Variants in CSMD1 observed in about 807,000 individuals in gnomAD.
CSMD1 encodes the protein CUB and sushi domain-containing protein 1.
In CSMD1, 213 loss-of-function variants were observed where a neutral mutation model predicts 417.5. That is an observed-to-expected ratio of 0.51 (90% CI 0.46 to 0.57). The LOEUF (loss-of-function observed/expected upper bound fraction) is 0.57, where lower values mean the gene tolerates loss of function less well. CSMD1 is among the 20% of genes least tolerant of loss of function. The pLI, the probability that CSMD1 is intolerant of heterozygous loss-of-function variation, is 0.00. For missense variants in CSMD1, 6,923 were observed against 4,529.7 expected (o/e 1.53, Z -15.17); for synonymous variants, 2,862 against 1,736.8 (o/e 1.65, Z -16.11).
chr8:3,902,699 T>C (rs1807836518), intron 5 of CSMD1, among the ~76,000 whole-genome samples: 2 of 152,142 alleles, frequency 1.3e-5, no homozygotes, highest in Non-Finnish European at 1.5e-5. Context: ...TAACAGGCTG[T>C]GGACTGGTAC....
chr8:4,424,732 A>G (rs751760629), intron 2 of CSMD1, among the ~76,000 whole-genome samples: 2 of 152,106 alleles, frequency 1.3e-5, no homozygotes, highest in Non-Finnish European at 2.9e-5. Flanking sequence ...TTTGCCCTAG[A>G]AATGCTCATG....
chr8:4,395,172 C>A (rs1804115590), intron 3 of CSMD1, among the ~76,000 whole-genome samples: 1 of 152,172 alleles, frequency 6.6e-6, no homozygotes, highest in Non-Finnish European at 1.5e-5. Flanking sequence ...CTTAGAACAA[C>A]CCCTCCTCTT....
intron 5 of CSMD1, among the ~76,000 whole-genome samples, chr8:3,827,791 T>C (rs912075698): frequency 3.3e-5 from 5 of 152,180 alleles, no homozygotes; most frequent in African/African-American, 9.6e-5. Context: ...CTATAAATTA[T>C]TGCCAGTTAC....
intron 5 of CSMD1, among the ~76,000 whole-genome samples, chr8:3,858,535 T>C (rs977329004): frequency 3.3e-5 from 5 of 152,188 alleles, no homozygotes; most frequent in African/African-American, 1.2e-4. Flanking sequence ...TAAAAGTGCA[T>C]AGAGCAAGGT....
At chr8:4,969,655 C>T (rs182358473) in intron 1 of CSMD1, among the ~76,000 whole-genome samples, 2 of 152,052 alleles carry the variant, frequency 1.3e-5, no homozygotes, top group Admixed American at 6.6e-5. Context: ...ATTTTGAGCC[C>T]ATTGATTTCG....
At chr8:4,629,828 T>C (rs768870547) in intron 2 of CSMD1, among the ~76,000 whole-genome samples, 1 of 152,220 alleles carries the variant, frequency 6.6e-6, no homozygotes, top group Admixed American at 6.5e-5. Context: ...AATAATAGTG[T>C]CATGTTGCAA....
At chr8:4,556,103 G>T (rs1798075116) in intron 2 of CSMD1, among the ~76,000 whole-genome samples, 1 of 152,034 alleles carries the variant, frequency 6.6e-6, no homozygotes, top group East Asian at 1.9e-4. Context: ...GCATCAAATG[G>T]AAAAACAAAA....
intron 3 of CSMD1, among the ~76,000 whole-genome samples, chr8:4,233,513 T>C (rs1801866968): frequency 6.6e-6 from 1 of 152,116 alleles, no homozygotes. Context: ...TTAGTGCCCT[T>C]ATAAAAGAGG....
chr8:4,744,892 A>C (rs1373375129), intron 1 of CSMD1, among the ~76,000 whole-genome samples: 1 of 152,164 alleles, frequency 6.6e-6, no homozygotes, highest in Non-Finnish European at 1.5e-5. Flanking sequence ...TTTTCACCAT[A>C]ATTCTAATGG....
chr8:3,366,997 C>T (rs752698093), intron 20 of CSMD1, 35 bp downstream of exon 20: 1 of 1,513,304 alleles, frequency 6.6e-7, no homozygotes, highest in East Asian at 2.3e-5. Context: ...AGTATTGTTG[C>T]CAGAGGAGAG....
intron 3 of CSMD1, among the ~76,000 whole-genome samples, chr8:4,045,867 T>G (rs1798121939): frequency 6.6e-6 from 1 of 152,174 alleles, no homozygotes; most frequent in Admixed American, 6.5e-5. Context: ...GCATTATTTT[T>G]TTTTTAATTA....
At chr8:4,600,011 T>A (rs1317938884) in intron 2 of CSMD1, among the ~76,000 whole-genome samples, 1 of 152,160 alleles carries the variant, frequency 6.6e-6, no homozygotes, top group Non-Finnish European at 1.5e-5. Context: ...AATGAAAGTC[T>A]AGGGTTGGTT....
At chr8:3,699,767 G>C (rs571137084) in intron 7 of CSMD1, among the ~76,000 whole-genome samples, 4 of 152,212 alleles carry the variant, frequency 2.6e-5, no homozygotes, top group Non-Finnish European at 5.9e-5. Flanking sequence ...ACGAGGGACT[G>C]TTGAATGTGT....
chr8:3,778,405 A>G (rs1366245118), intron 5 of CSMD1, among the ~76,000 whole-genome samples: 1 of 152,214 alleles, frequency 6.6e-6, no homozygotes, highest in Non-Finnish European at 1.5e-5. Flanking sequence ...AATAAATAAA[A>G]AGATTCAACA....
intron 54 of CSMD1, among the ~76,000 whole-genome samples, chr8:2,980,674 G>A (rs938993646): frequency 6.6e-6 from 1 of 152,144 alleles, no homozygotes; most frequent in Admixed American, 6.5e-5. Context: ...CAATATGTGA[G>A]GTTCATAACC....
At chr8:4,927,739 T>C (rs1320754563) in intron 1 of CSMD1, among the ~76,000 whole-genome samples, 1 of 152,140 alleles carries the variant, frequency 6.6e-6, no homozygotes, top group Non-Finnish European at 1.5e-5. Flanking sequence ...TTAACATAAA[T>C]AGGACTTGGC....
chr8:3,100,358 G>A (rs891077316), intron 46 of CSMD1, among the ~76,000 whole-genome samples: 7 of 152,226 alleles, frequency 4.6e-5, no homozygotes, highest in East Asian at 1.9e-4. Flanking sequence ...ACCCATGAGC[G>A]AAAGTGATTT....
At position 3,746,639 on chromosome 8, in the gene CSMD1, T is replaced by C. The variant is rs1584937818; in HGVS notation, c.931+7291A>G. On this transcript the variant is annotated intron_variant, in intron 6 of 69. Transcript: ENST00000635120. The stretch of plus-strand genomic sequence containing the variant: ...CTCTGATGAATAATATTTCATATCT[T>C]TCTTAAATTTATTCTCTTGTTTCAA... Among the ~76,000 whole-genome samples, 4 of 152,322 alleles carry C rather than the reference T, an allele frequency of 2.6e-5. No individual in the cohort carries two copies. The East Asian group carries it at 5.8e-4, about 22-fold the overall frequency.
intron 1 of CSMD1, among the ~76,000 whole-genome samples, chr8:4,687,714 A>G (rs149344015): frequency 1.5e-3 from 234 of 152,058 alleles, no homozygotes; most frequent in Middle Eastern, 0.01. Flanking sequence ...AGAAAGAGTC[A>G]CCTCCCCTTT....
Sources: allele counts gnomAD v4.1 joint callset (sites outside exome capture counted in the v4.1 genomes callset), GRCh38; gene constraint gnomAD v4.1.1; transcripts MANE v1.5; gene names NCBI Gene and HGNC (gene_info 2026-07-23, HGNC 2026-07-21).